Variants in MON2 observed in about 807,000 individuals in gnomAD.
MON2 encodes protein MON2 homolog.
In MON2, 84 loss-of-function variants were observed where a neutral mutation model predicts 208.6. That is an observed-to-expected ratio of 0.40 (90% CI 0.34 to 0.48). The LOEUF (loss-of-function observed/expected upper bound fraction) is 0.48, where lower values mean the gene tolerates loss of function less well. Among genes scored for constraint, MON2 ranks in the 20% least tolerant of loss-of-function variants. The probability of loss-of-function intolerance (pLI) is 0.59; values close to 1 mark genes in which losing one functional copy is unlikely to be tolerated. For missense variants in MON2, 1,611 were observed against 2,015.4 expected (o/e 0.80, Z 3.84); for synonymous variants, 660 against 694.0 (o/e 0.95, Z 0.77).
chr12:62,481,601 A>T (rs1316799756), intron 1 of MON2, among the ~76,000 whole-genome samples: 1 of 151,868 alleles, frequency 6.6e-6, no homozygotes, highest in Non-Finnish European at 1.5e-5. Context: ...GGGCATCAGG[A>T]CTTATTTAAA....
intron 2 of MON2, among the ~76,000 whole-genome samples, chr12:62,492,986 A>G (rs915791558): frequency 2.0e-5 from 3 of 151,994 alleles, no homozygotes; most frequent in African/African-American, 7.2e-5. Context: ...TCAGAAAAAC[A>G]AAACAAAAAA....
Position 62,524,616 on chromosome 12 carries a change from C to T in MON2, c.1086C>T (p.Phe362=). ...TTGCGGTGGAATCAATACACAGATT[C>T]TGTGTGCAGCCTCAACTATTAAGGT... ...RAVAVESIHR[F]CVQPQLLRSF... The change falls in exon 9 of 35, where the codon TTC becomes TTT. Residue 362 remains phenylalanine, a synonymous_variant. Transcript: ENST00000393630. 2 of 1,613,268 alleles carry T rather than the reference C, an allele frequency of 1.2e-6. No individual in the cohort carries two copies. Among genetic ancestry groups the T allele is most frequent in the Non-Finnish European group, 1.7e-6 (2 of 1,179,498 alleles).
chr12:62,571,190 A>C (rs762656445), intron 29 of MON2, among the ~76,000 whole-genome samples: 23 of 152,214 alleles, frequency 1.5e-4, no homozygotes, highest in Non-Finnish European at 2.4e-4. Context: ...ATAGGATTTA[A>C]AAGTATATCT....
rs1565677985 is a variant in MON2 at position 62,553,177 on chromosome 12, A to G, written c.3210+3A>G. The G allele has an allele frequency of 6.2e-7, 1 of 1,611,440 alleles. No individual in the cohort carries two copies. The highest frequency in any genetic ancestry group is 1.1e-5 in the South Asian group (1 of 90,980). ...CCTGGCACACTGTTATCTGGAAGGT[A>G]TTGTAAAATAGATTGGACTATCAGC... On this transcript the variant is annotated splice_donor_region_variant and intron_variant, in intron 24 of 34. Transcript: ENST00000393630.
chr12:62,519,259 T>C (rs750403809), intron 8 of MON2, among the ~76,000 whole-genome samples: 3 of 152,122 alleles, frequency 2.0e-5, no homozygotes, highest in Non-Finnish European at 4.4e-5. Flanking sequence ...GTTCCAATCA[T>C]TCAGCCCTTT....
At chr12:62,487,890 T>A (rs1258867850) in intron 2 of MON2, among the ~76,000 whole-genome samples, 1 of 152,126 alleles carries the variant, frequency 6.6e-6, no homozygotes, top group Non-Finnish European at 1.5e-5. Flanking sequence ...TCATTCTGTT[T>A]AGCCTACCTA....
intron 1 of MON2, among the ~76,000 whole-genome samples, chr12:62,477,474 G>A (rs765497569): frequency 6.6e-6 from 1 of 151,962 alleles, no homozygotes; most frequent in Non-Finnish European, 1.5e-5. Flanking sequence ...TGCCCAGGCC[G>A]GAGTGTGGCA....
Position 62,543,186 on chromosome 12 carries a change from C to T in MON2, c.2454C>T (p.Gly818=). 1.3e-6 allele frequency: 2 copies of T among 1,526,516 alleles called. No homozygotes were observed. The highest frequency in any genetic ancestry group is 2.6e-5 in the South Asian group (2 of 76,662). 94.6% of individuals were successfully genotyped at this position (1,526,516 alleles called of 1,614,324 possible). Residue 818 remains glycine (G), a synonymous_variant, in exon 20 of 35, where the codon GGC becomes GGT. Coordinates refer to ENST00000393630, the MANE Select transcript of MON2 (RefSeq NM_015026.3). ...RIEILWRPLT[G]HLLEVCQHPN... is the part of the protein sequence containing the mutation. ...AAATTCTGTGGAGACCTCTGACTGGCCATCTACTTGAGGTAAATTCTCTTT... is the reference window on the plus strand; with the variant it reads ...AAATTCTGTGGAGACCTCTGACTGGTCATCTACTTGAGGTAAATTCTCTTT...
Position 62,565,301 on chromosome 12 carries a change from C to T in MON2, c.4097C>T (p.Ala1366Val), listed in dbSNP as rs997313648. ...CCAGCTATATTTGACCAGTTGTTGG[C>T]ATTTGTAGAATTTTCCTGTAAACCT... ...MYPAIFDQLL[A>V]FVEFSCKPPQ... The change falls in exon 27 of 35, where the codon GCA becomes GTA. Residue 1366 changes from alanine (A) to valine (V), a missense_variant. Physicochemically the swap from Ala to Val is moderately conservative, Grantham distance 64. Transcript: ENST00000393630. The T allele has an allele frequency of 1.9e-6, 3 of 1,612,948 alleles. No homozygotes were observed. The highest frequency in any genetic ancestry group is 4.5e-5 in the East Asian group (2 of 44,794).
intron 2 of MON2, among the ~76,000 whole-genome samples, chr12:62,493,026 CACAT>C (rs1190412945): frequency 6.7e-6 from 1 of 148,348 alleles, no homozygotes; most frequent in Non-Finnish European, 1.5e-5. Context: ...GACACACACA[CACAT>C]ACACACATAC....
At chr12:62,554,802 CT>C (rs1301136393) in intron 24 of MON2, among the ~76,000 whole-genome samples, 4 of 152,022 alleles carry the variant, frequency 2.6e-5, no homozygotes, top group Non-Finnish European at 4.4e-5. Flanking sequence ...AGTAATTCTA[CT>C]TTTGTCCTGG....
At chr12:62,529,141 GC>G (rs1175355590) in intron 11 of MON2, among the ~76,000 whole-genome samples, 2 of 152,088 alleles carry the variant, frequency 1.3e-5, no homozygotes, top group Non-Finnish European at 1.5e-5. Context: ...TTTGCTAATA[GC>G]CTCCAGCTCT....
intron 31 of MON2, among the ~76,000 whole-genome samples, chr12:62,579,449 C>T (rs1007903551): frequency 1.4e-4 from 21 of 151,294 alleles, no homozygotes; most frequent in South Asian, 2.1e-4. Flanking sequence ...TTTGGCCGGG[C>T]GCGGTGGCTC....
At chr12:62,567,676 TG>T (rs1277281574) in intron 29 of MON2, among the ~76,000 whole-genome samples, 1 of 152,228 alleles carries the variant, frequency 6.6e-6, no homozygotes, top group Non-Finnish European at 1.5e-5. Flanking sequence ...CTTTATTTAT[TG>T]AGCATATTTT....
At chr12:62,571,313 C>T (rs1208598979) in intron 29 of MON2, 79 bp from the exon 30 acceptor site, 2 of 1,059,604 alleles carry the variant, frequency 1.9e-6, no homozygotes, top group African/African-American at 1.6e-5. Context: ...GCTATTTTTT[C>T]TCTGCTGTAG....
intron 11 of MON2, among the ~76,000 whole-genome samples, chr12:62,531,779 A>AT (rs949988620): frequency 2.0e-5 from 3 of 149,226 alleles, no homozygotes; most frequent in Non-Finnish European, 3.0e-5. Flanking sequence ...TTTATTTTTT[A>AT]TTTTTTTTGA....
intron 8 of MON2, among the ~76,000 whole-genome samples, chr12:62,515,788 C>G (rs1018494258): frequency 1.2e-4 from 18 of 151,732 alleles, no homozygotes; most frequent in African/African-American, 4.1e-4. Flanking sequence ...GCACTCCAGC[C>G]TGGGTGACAA....
At chr12:62,472,767 T>C (rs2068857978) in intron 1 of MON2, among the ~76,000 whole-genome samples, 1 of 152,222 alleles carries the variant, frequency 6.6e-6, no homozygotes, top group South Asian at 2.1e-4. Flanking sequence ...CTGGATAATC[T>C]TTACGAGCTT....
chr12:62,539,348 C>G (rs2073129232), intron 19 of MON2, among the ~76,000 whole-genome samples: 1 of 151,418 alleles, frequency 6.6e-6, no homozygotes, highest in Non-Finnish European at 1.5e-5. Context: ...GGTCACTGCT[C>G]TGCCTCCCAG....
Sources: gnomAD v4.1 joint callset for allele counts (sites outside exome capture counted in the v4.1 genomes callset) on GRCh38, gnomAD v4.1.1 for gene constraint, MANE v1.5 for transcripts, NCBI Gene and HGNC (gene_info 2026-07-23, HGNC 2026-07-21) for gene names.